ARHGAP35: variants seen among roughly 807,000 people sequenced by gnomAD.
ARHGAP35 encodes the protein Rho GTPase activating protein 35, also known as rho GTPase-activating protein 35.
A neutral mutation model predicts 111.1 loss-of-function variants in ARHGAP35; 15 were observed. The ratio of observed to expected loss-of-function variants is 0.13; its 90% CI spans 0.09 to 0.21. ARHGAP35 has a LOEUF of 0.21. ARHGAP35 is among the 10% of genes least tolerant of loss of function. ARHGAP35 has a pLI of 1.00. For missense variants in ARHGAP35, 1,262 were observed against 1,873.0 expected (o/e 0.67, Z 6.02); for synonymous variants, 643 against 710.3 (o/e 0.91, Z 1.51).
At chr19:46,891,274 T>G (rs2056022124) in intron 1 of ARHGAP35, among the ~76,000 whole-genome samples, 1 of 152,180 alleles carries the variant, frequency 6.6e-6, no homozygotes, top group African/African-American at 2.4e-5. Flanking sequence ...TTCCCTCACT[T>G]TATTGATTCA....
intron 1 of ARHGAP35, among the ~76,000 whole-genome samples, chr19:46,876,440 C>T (rs1007258392): frequency 6.6e-6 from 1 of 151,796 alleles, no homozygotes; most frequent in East Asian, 1.9e-4. Context: ...GTGGTACAAT[C>T]TCGGCTCACT....
At chr19:46,868,628 A>G in intron 1 of ARHGAP35, among the ~76,000 whole-genome samples, 1 of 152,178 alleles carries the variant, frequency 6.6e-6, no homozygotes, top group Non-Finnish European at 1.5e-5. Context: ...GTGTAACAAA[A>G]CTGTGTAAGT....
chr19:46,924,295 G>A (rs920166080), intron 2 of ARHGAP35, among the ~76,000 whole-genome samples: 10 of 152,274 alleles, frequency 6.6e-5, no homozygotes, highest in South Asian at 4.1e-4. Flanking sequence ...GCAGCCCTGC[G>A]GGCCCCGAGA....
In ARHGAP35 at chr19:46,908,210, TAACTGCTTAGAAGC is replaced by T; in HGVS notation, c.-188-10270_-188-10257del. Among the ~76,000 whole-genome samples, 1 of 152,352 alleles carries T rather than the reference TAACTGCTTAGAAGC, an allele frequency of 6.6e-6. No individual in the cohort carries two copies. Among genetic ancestry groups the T allele is most frequent in the Middle Eastern group, 3.4e-3 (1 of 294 alleles). ...GTTTTAAAAAAAAATTAGTAGAGTATAACTGCTTAGAAGCAACTGCTGGAATAATTTTATAGGTT... is the reference window on the plus strand; with the variant it reads ...GTTTTAAAAAAAAATTAGTAGAGTATAACTGCTGGAATAATTTTATAGGTT... On this transcript the variant is annotated intron_variant, in intron 1 of 6. Transcript: ENST00000672722. The surrounding 1 kb of genome is among the most constrained non-coding windows in gnomAD (Gnocchi z 4.2).
intron 1 of ARHGAP35, among the ~76,000 whole-genome samples, chr19:46,899,732 A>C (rs200855394): frequency 1.8e-4 from 28 of 152,096 alleles, no homozygotes; most frequent in East Asian, 1.5e-3. Flanking sequence ...AAAACAAAAA[A>C]AAAAAGAAGA....
At chr19:46,959,438 A>T (rs1303622842) in intron 3 of ARHGAP35, among the ~76,000 whole-genome samples, 3 of 151,202 alleles carry the variant, frequency 2.0e-5, no homozygotes, top group Non-Finnish European at 4.4e-5. Flanking sequence ...CACTCTTGTC[A>T]CCCAGGCTGG....
At position 47,000,230 on chromosome 19, in the gene ARHGAP35, G is replaced by A. The variant is rs2056738650; in HGVS notation, c.4143-101G>A. ...CATGGCCTTTTCTGCTCCACCTGAGGGAAGAAAGGTGGGCTCAGCCTGGGT... is the reference window on the plus strand; with the variant it reads ...CATGGCCTTTTCTGCTCCACCTGAGAGAAGAAAGGTGGGCTCAGCCTGGGT... On this transcript the variant is annotated intron_variant, in intron 6 of 6. Coordinates refer to ENST00000672722, the MANE Select transcript of ARHGAP35 (RefSeq NM_004491.5). The surrounding 1 kb of genome is among the most constrained non-coding windows in gnomAD (Gnocchi z 6.9). 1.6e-6 allele frequency: 2 copies of A among 1,273,016 alleles called. No individual in the cohort carries two copies. The highest frequency in any genetic ancestry group is 1.4e-5 in the South Asian group (1 of 71,628). 78.9% of individuals were successfully genotyped at this position (1,273,016 alleles called of 1,614,324 possible).
In ARHGAP35 at chr19:46,992,756, C is replaced by T. The variant is rs1022604514; in HGVS notation, c.4036+3081C>T. Among the ~76,000 whole-genome samples, 3 of 152,364 alleles carry T rather than the reference C, an allele frequency of 2.0e-5. No individual in the cohort carries two copies. Among genetic ancestry groups the T allele is most frequent in the African/African-American group, 7.2e-5 (3 of 41,586 alleles). On this transcript the variant is annotated intron_variant, in intron 5 of 6. Transcript: ENST00000672722. The surrounding 1 kb of genome is among the most constrained non-coding windows in gnomAD (Gnocchi z 4.4). ...AATTTAAGGAGAGACCAGTCATTTTCATCACATTGTTGAAGGGGATGTGTG... is the reference window on the plus strand; with the variant it reads ...AATTTAAGGAGAGACCAGTCATTTTTATCACATTGTTGAAGGGGATGTGTG...
chr19:46,998,388 G>T (rs986371656), intron 5 of ARHGAP35, among the ~76,000 whole-genome samples: 4 of 152,176 alleles, frequency 2.6e-5, no homozygotes, highest in Non-Finnish European at 5.9e-5. Context: ...AAACATGGGG[G>T]CATCTTTCCC....
chr19:46,883,346 C>T (rs1321381954), intron 1 of ARHGAP35, among the ~76,000 whole-genome samples: 2 of 152,078 alleles, frequency 1.3e-5, no homozygotes, highest in Admixed American at 6.5e-5. Context: ...GTGATCCGCC[C>T]GCCTTCAGCC....
In ARHGAP35 at chr19:46,918,263, T is replaced by C. The variant is rs1225490625; in HGVS notation, c.-188-225T>C. The stretch of plus-strand genomic sequence containing the variant: ...ACCCTTGTTTTAGCACTTAGCACAC[T>C]GTTTACTTATGTTTTCCTCCACTGG... On this transcript the variant is annotated intron_variant, in intron 1 of 6. Transcript: ENST00000672722. This position sits in a 1 kb window ranked among gnomAD's most constrained non-coding sequence, Gnocchi z 5.4. Among the ~76,000 whole-genome samples, 1 of 152,188 alleles carries C rather than the reference T, an allele frequency of 6.6e-6. No individual in the cohort carries two copies. Among genetic ancestry groups the C allele is most frequent in the Non-Finnish European group, 1.5e-5 (1 of 68,032 alleles).
intron 2 of ARHGAP35, among the ~76,000 whole-genome samples, chr19:46,935,275 A>G (rs992722192): frequency 2.6e-5 from 4 of 152,194 alleles, no homozygotes; most frequent in African/African-American, 9.7e-5. Flanking sequence ...ATCCATTCAC[A>G]TTATAGCATT....
chr19:46,889,413 C>T (rs1393839227), intron 1 of ARHGAP35, among the ~76,000 whole-genome samples: 5 of 152,038 alleles, frequency 3.3e-5, no homozygotes, highest in Admixed American at 1.3e-4. Context: ...GAGCTAAGAT[C>T]GCACCACTGC....
At chr19:46,873,957 A>C (rs2055902117) in intron 1 of ARHGAP35, among the ~76,000 whole-genome samples, 1 of 152,164 alleles carries the variant, frequency 6.6e-6, no homozygotes, top group East Asian at 1.9e-4. Context: ...CATGTTAGTG[A>C]GGCTGGTCTC....
intron 3 of ARHGAP35, among the ~76,000 whole-genome samples, chr19:46,969,760 C>T (rs1478591059): frequency 6.6e-6 from 1 of 152,216 alleles, no homozygotes; most frequent in Non-Finnish European, 1.5e-5. Context: ...GAGATCTACT[C>T]ATGCCATTGT....
At chr19:46,937,177 G>C in intron 2 of ARHGAP35, 87 bp from the exon 3 acceptor site, 1 of 1,489,038 alleles carries the variant, frequency 6.7e-7, no homozygotes, top group Non-Finnish European at 9.2e-7. Flanking sequence ...TTATACCACT[G>C]CTTCCCTTCT....
At chr19:46,890,004 G>C (rs998702225) in intron 1 of ARHGAP35, among the ~76,000 whole-genome samples, 1 of 152,172 alleles carries the variant, frequency 6.6e-6, no homozygotes, top group Non-Finnish European at 1.5e-5. Flanking sequence ...ATGAGTATAT[G>C]CTGAATTTTG....
intron 3 of ARHGAP35, among the ~76,000 whole-genome samples, chr19:46,983,808 G>A (rs1317567007): frequency 6.6e-6 from 1 of 151,588 alleles, no homozygotes; most frequent in African/African-American, 2.4e-5. Context: ...GTAGAGACGG[G>A]GTTTCACAAT....
At chr19:46,874,641 AT>A (rs2055906715) in intron 1 of ARHGAP35, among the ~76,000 whole-genome samples, 1 of 149,694 alleles carries the variant, frequency 6.7e-6, no homozygotes. Flanking sequence ...AGTAGCTGGG[AT>A]TACAGGCGCC....
Sources: allele counts gnomAD v4.1 joint callset (sites outside exome capture counted in the v4.1 genomes callset), GRCh38; gene constraint gnomAD v4.1.1; non-coding constraint Gnocchi (gnomAD v3.1); transcripts MANE v1.5; gene names NCBI Gene and HGNC (gene_info 2026-07-23, HGNC 2026-07-21).